Variants in SOCS6 observed in about 807,000 individuals in gnomAD.
The protein encoded by SOCS6 is suppressor of cytokine signaling 6, also known as STAT induced STAT inhibitor-4.
In SOCS6, 5 loss-of-function variants were observed where a neutral mutation model predicts 27.7. That is an observed-to-expected ratio of 0.18 (90% CI 0.09 to 0.38). The LOEUF is 0.38. Among genes scored for constraint, SOCS6 ranks in the 10% least tolerant of loss-of-function variants. The pLI, the probability that SOCS6 is intolerant of heterozygous loss-of-function variation, is 1.00. For synonymous variants in SOCS6, 271 were observed against 260.0 expected (o/e 1.04, Z -0.41); for missense variants, 595 against 688.1 (o/e 0.86, Z 1.51).
intron 1 of SOCS6, among the ~76,000 whole-genome samples, chr18:70,299,320 T>C (rs776897760): frequency 6.6e-6 from 1 of 152,154 alleles, no homozygotes; most frequent in Non-Finnish European, 1.5e-5. Context: ...TCAGATTAGA[T>C]AATTTGCTGG....
chr18:70,315,164 T>C (rs1159002446), intron 1 of SOCS6, among the ~76,000 whole-genome samples: 1 of 152,166 alleles, frequency 6.6e-6, no homozygotes, highest in Non-Finnish European at 1.5e-5. Flanking sequence ...TTTCTTTTTT[T>C]TGGTCGTCTT....
At chr18:70,313,054 A>G (rs1033708997) in intron 1 of SOCS6, among the ~76,000 whole-genome samples, 1 of 152,210 alleles carries the variant, frequency 6.6e-6, no homozygotes, top group Non-Finnish European at 1.5e-5. Flanking sequence ...TGCTGGGATT[A>G]CAGGCGTGAG....
chr18:70,291,629 T>C (rs2062299946), intron 1 of SOCS6, among the ~76,000 whole-genome samples: 1 of 152,210 alleles, frequency 6.6e-6, no homozygotes, highest in African/African-American at 2.4e-5. Flanking sequence ...TAGTATGCAC[T>C]TCGACTTACA....
At chr18:70,319,633 T>A (rs941234162) in intron 1 of SOCS6, among the ~76,000 whole-genome samples, 1 of 144,956 alleles carries the variant, frequency 6.9e-6, no homozygotes, top group Admixed American at 7.0e-5. Flanking sequence ...AAAAAAAAAA[T>A]TGGTTATACT....
chr18:70,305,203 G>A (rs532826086), intron 1 of SOCS6, among the ~76,000 whole-genome samples: 6 of 151,376 alleles, frequency 4.0e-5, no homozygotes, highest in African/African-American at 7.3e-5. Flanking sequence ...GCAAGACGCC[G>A]TCTCAAAAAG....
chr18:70,313,565 A>G (rs895906039), intron 1 of SOCS6, among the ~76,000 whole-genome samples: 1 of 152,188 alleles, frequency 6.6e-6, no homozygotes, highest in African/African-American at 2.4e-5. Context: ...GAAATTAAGT[A>G]AGAGCCCTGC....
In SOCS6 at chr18:70,317,302, G is replaced by A. The variant is rs557688665; in HGVS notation, c.-126-7241G>A. 1.1e-4 allele frequency among the ~76,000 whole-genome samples: 16 copies of A among 152,148 alleles called. No homozygotes were observed. In the South Asian group the frequency reaches 3.1e-3, roughly 30 times the overall value. ...GCACTTATAAGTGAGAACATACGAT[G>A]TTTGATTTTCCATTCCAGAGTTAGT... On this transcript the variant is annotated intron_variant, in intron 1 of 1. Transcript: ENST00000397942.
intron 1 of SOCS6, among the ~76,000 whole-genome samples, chr18:70,295,952 A>G (rs2146261245): frequency 1.3e-5 from 2 of 152,238 alleles, no homozygotes; most frequent in South Asian, 4.2e-4. Flanking sequence ...GTCTTCCTGG[A>G]GGATGTTACA....
chr18:70,298,833 T>G (rs529604886), intron 1 of SOCS6, among the ~76,000 whole-genome samples: 1 of 152,286 alleles, frequency 6.6e-6, no homozygotes, highest in Admixed American at 6.5e-5. Flanking sequence ...GTGTGAAAAC[T>G]GAGTGTCCAG....
At chr18:70,290,204 C>T (rs1196568913) in intron 1 of SOCS6, among the ~76,000 whole-genome samples, 3 of 152,206 alleles carry the variant, frequency 2.0e-5, no homozygotes, top group Non-Finnish European at 4.4e-5. Flanking sequence ...CTCCCAGAGA[C>T]ATTTTAAATT....
chr18:70,301,394 A>C (rs2062347494), intron 1 of SOCS6, among the ~76,000 whole-genome samples: 1 of 152,176 alleles, frequency 6.6e-6, no homozygotes, highest in Non-Finnish European at 1.5e-5. Context: ...ATTTCATGAC[A>C]TACTGGATGA....
In SOCS6 at chr18:70,325,070, C is replaced by T. The variant is rs201422335; in HGVS notation, c.402C>T (p.Pro134=). The T allele has an allele frequency of 7.4e-6, 12 of 1,614,146 alleles. No homozygotes were observed. The highest frequency in any genetic ancestry group is 1.7e-5 in the Admixed American group (1 of 60,022). ...CGCTCCGCAGCCATCACTACAGTCC[C>T]GCGCCGTGGCCTCTGCGGCCCACAA... is the stretch of plus-strand genomic sequence containing the variant. ...STSLRSHHYS[P]APWPLRPTNS... Residue 134 remains proline (P), a synonymous_variant, in exon 2 of 2, where the codon CCC becomes CCT. Coordinates refer to ENST00000397942, the MANE Select transcript of SOCS6 (RefSeq NM_004232.4). This position sits in a 1 kb window ranked among gnomAD's most constrained non-coding sequence, Gnocchi z 6.3.
At position 70,325,895 on chromosome 18, in the gene SOCS6, G is replaced by A. The variant is rs758991520; in HGVS notation, c.1227G>A (p.Arg409=). 1 of 1,614,170 alleles carries A rather than the reference G, an allele frequency of 6.2e-7. No individual in the cohort carries two copies. Among genetic ancestry groups the A allele is most frequent in the Admixed American group, 1.7e-5 (1 of 60,024 alleles). Residue 409 remains arginine, a synonymous_variant, in exon 2 of 2, where the codon CGG becomes CGA. Coordinates refer to ENST00000397942, the MANE Select transcript of SOCS6 (RefSeq NM_004232.4). This position sits in a 1 kb window ranked among gnomAD's most constrained non-coding sequence, Gnocchi z 6.3. ...ANVPDGSFLV[R]DSSDDRYLLS... is the part of the protein sequence containing the mutation. ...TGCCAGATGGTTCTTTTCTTGTTCG[G>A]GACAGTTCTGACGACCGTTACCTTT...
Position 70,325,754 on chromosome 18 carries a change from A to C in SOCS6, c.1086A>C (p.Gln362His), listed in dbSNP as rs374483827. The change falls in exon 2 of 2, where the codon CAA becomes CAC. Residue 362 changes from glutamine (Q) to histidine (H), a missense_variant. By Grantham distance (24) the Gln-to-His change is conservative (BLOSUM62 0). Around this residue, in one of 2 missense-constraint regions of SOCS6, gnomAD observed 467 missense variants for 481.1 expected, o/e 0.97. Coordinates refer to ENST00000397942, the MANE Select transcript of SOCS6 (RefSeq NM_004232.4). The surrounding 1 kb of genome is among the most constrained non-coding windows in gnomAD (Gnocchi z 6.3). ...TTGCAAGAGTTTATGACTCAGTGCA[A>C]AGTAGTGGTCCCATGGTTGTGACAA... The part of the protein sequence containing the change: ...PGVARVYDSV[Q>H]SSGPMVVTSL... 164 of 1,614,196 alleles carry C rather than the reference A, an allele frequency of 1.0e-4. 6 individuals carry two copies. The South Asian group carries it at 1.5e-3, about 15-fold the overall frequency.
intron 1 of SOCS6, among the ~76,000 whole-genome samples, chr18:70,299,143 G>A (rs1483584940): frequency 6.6e-6 from 1 of 151,882 alleles, no homozygotes; most frequent in Non-Finnish European, 1.5e-5. Flanking sequence ...AAAGAAAACT[G>A]AGTCCAACAT....
At chr18:70,302,965 A>G (rs969705390) in intron 1 of SOCS6, among the ~76,000 whole-genome samples, 2 of 152,124 alleles carry the variant, frequency 1.3e-5, no homozygotes, top group Admixed American at 6.6e-5. Flanking sequence ...AAGGCCCTGC[A>G]TTTTTAATGG....
At chr18:70,310,758 A>G (rs776995423) in intron 1 of SOCS6, among the ~76,000 whole-genome samples, 4 of 152,098 alleles carry the variant, frequency 2.6e-5, no homozygotes, top group African/African-American at 7.2e-5. Context: ...TCTCCTGTCT[A>G]TGCTCTTAAT....
At chr18:70,321,270 A>G (rs67157674) in intron 1 of SOCS6, among the ~76,000 whole-genome samples, 24,508 of 141,326 alleles carry the variant, frequency 0.17, 2,239 homozygotes, top group Middle Eastern at 0.29. Context: ...CGAGACTCTG[A>G]TTCTGTGTCT....
chr18:70,293,448 C>T (rs748127831), intron 1 of SOCS6, among the ~76,000 whole-genome samples: 17 of 152,126 alleles, frequency 1.1e-4, no homozygotes, highest in Non-Finnish European at 2.1e-4. Flanking sequence ...TCTTTCACTT[C>T]TGGAAGTATA....
Sources: gnomAD v4.1 joint callset for allele counts (sites outside exome capture counted in the v4.1 genomes callset) on GRCh38, gnomAD v4.1.1 for gene constraint, gnomAD v4.1.1 regional missense constraint, Gnocchi (gnomAD v3.1) non-coding constraint, MANE v1.5 for transcripts, NCBI Gene and HGNC (gene_info 2026-07-23, HGNC 2026-07-21) for gene names.